PCED1B: variants seen among roughly 807,000 people sequenced by gnomAD.
PCED1B encodes the protein PC-esterase domain-containing protein 1B.
For synonymous variants in PCED1B, 251 were observed against 246.1 expected (o/e 1.02, Z -0.19); for missense variants, 573 against 573.9 (o/e 1.00, Z 0.02).
intron 2 of PCED1B, among the ~76,000 whole-genome samples, chr12:47,112,684 C>T (rs1378168956): frequency 1.3e-5 from 2 of 152,188 alleles, no homozygotes; most frequent in Non-Finnish European, 2.9e-5. Context: ...AATGTGTGGT[C>T]TCTTAAAAAC....
At chr12:47,113,854 A>G (rs543322029) in intron 2 of PCED1B, among the ~76,000 whole-genome samples, 2 of 152,226 alleles carry the variant, frequency 1.3e-5, no homozygotes, top group East Asian at 3.9e-4. Flanking sequence ...TACTAAAAAT[A>G]CAAAAATTAG....
chr12:47,148,716 T>C (rs954985686), intron 2 of PCED1B, among the ~76,000 whole-genome samples: 2 of 152,192 alleles, frequency 1.3e-5, no homozygotes, highest in African/African-American at 2.4e-5. Flanking sequence ...AAGGAAAGCC[T>C]TCTACTCTAG....
intron 1 of PCED1B, among the ~76,000 whole-genome samples, chr12:47,089,458 AT>A (rs1441939987): frequency 4.9e-4 from 23 of 46,816 alleles, no homozygotes; most frequent in African/African-American, 1.7e-3. Context: ...AAAAAAAAAA[AT>A]ACATATATAT....
At chr12:47,214,270 A>C (rs1943180131) in intron 2 of PCED1B, among the ~76,000 whole-genome samples, 1 of 152,244 alleles carries the variant, frequency 6.6e-6, no homozygotes, top group Non-Finnish European at 1.5e-5. Flanking sequence ...ACAGTGATGT[A>C]AAGTAAAATG....
chr12:47,121,992 A>C (rs1939697568), intron 2 of PCED1B, among the ~76,000 whole-genome samples: 1 of 148,520 alleles, frequency 6.7e-6, no homozygotes, highest in South Asian at 2.1e-4. Context: ...ATGCCACTGC[A>C]CTCCAGTCTG....
At chr12:47,187,543 T>C (rs188209844) in intron 2 of PCED1B, among the ~76,000 whole-genome samples, 17 of 152,310 alleles carry the variant, frequency 1.1e-4, no homozygotes, top group Admixed American at 7.8e-4. Context: ...AGTGAAAGTG[T>C]AAACAGTTAA....
chr12:47,182,800 C>T (rs1374708956), intron 2 of PCED1B, among the ~76,000 whole-genome samples: 1 of 152,092 alleles, frequency 6.6e-6, no homozygotes, highest in East Asian at 1.9e-4. Context: ...GACTCCAGAA[C>T]CCTAGCTCTC....
At chr12:47,230,191 T>G (rs1237562898) in intron 3 of PCED1B, among the ~76,000 whole-genome samples, 2 of 147,450 alleles carry the variant, frequency 1.4e-5, no homozygotes, top group East Asian at 4.1e-4. Flanking sequence ...TTCACACCTT[T>G]CTCCTGCCTC....
Position 47,184,608 on chromosome 12 carries a change from CCCTT to C in PCED1B, c.-525-31601_-525-31598del, listed in dbSNP as rs573936632. Among the ~76,000 whole-genome samples, 23 of 150,726 alleles carry C rather than the reference CCCTT, an allele frequency of 1.5e-4. No individual in the cohort carries two copies. In the South Asian group the frequency reaches 3.8e-3, roughly 25 times the overall value. On this transcript the variant is annotated intron_variant, in intron 2 of 3. Transcript: ENST00000546455. ...AAGACTTTCTGAAATCTTTTTTCTT[CCCTT>C]CCTTCCTTCCTTTTTCCCTTCCCTT... is the stretch of plus-strand genomic sequence containing the variant.
At chr12:47,110,440 G>C (rs1326855426) in intron 2 of PCED1B, among the ~76,000 whole-genome samples, 1 of 152,186 alleles carries the variant, frequency 6.6e-6, no homozygotes, top group Non-Finnish European at 1.5e-5. Context: ...CACCCAGGAA[G>C]TGTTTGGTAA....
chr12:47,110,197 G>C (rs1481177620), intron 2 of PCED1B, among the ~76,000 whole-genome samples: 1 of 152,168 alleles, frequency 6.6e-6, no homozygotes, highest in Non-Finnish European at 1.5e-5. Flanking sequence ...GATGAAGTGA[G>C]GGGTAAAATG....
intron 1 of PCED1B, among the ~76,000 whole-genome samples, chr12:47,103,019 A>G (rs1938782035): frequency 6.6e-6 from 1 of 152,170 alleles, no homozygotes; most frequent in African/African-American, 2.4e-5. Context: ...TCTTATGTCC[A>G]AGTAAGGGCA....
chr12:47,217,234 C>G (rs1943286531), intron 3 of PCED1B, among the ~76,000 whole-genome samples: 1 of 151,366 alleles, frequency 6.6e-6, no homozygotes, highest in Admixed American at 6.6e-5. Flanking sequence ...AACCCTGTCT[C>G]TAAAAAAAAC....
At chr12:47,160,817 G>A (rs1342560546) in intron 2 of PCED1B, among the ~76,000 whole-genome samples, 1 of 152,148 alleles carries the variant, frequency 6.6e-6, no homozygotes, top group Non-Finnish European at 1.5e-5. Flanking sequence ...CCTCTAAGAG[G>A]TGGAGCCTAA....
At chr12:47,221,549 C>T (rs997800732) in intron 3 of PCED1B, among the ~76,000 whole-genome samples, 1 of 152,088 alleles carries the variant, frequency 6.6e-6, no homozygotes, top group Non-Finnish European at 1.5e-5. Context: ...TAAAACAAAA[C>T]CAGTCATCAA....
chr12:47,134,962 A>G (rs1484755331), intron 2 of PCED1B, among the ~76,000 whole-genome samples: 2 of 152,094 alleles, frequency 1.3e-5, no homozygotes, highest in African/African-American at 4.8e-5. Context: ...CACTATATAT[A>G]CCCCTTCACT....
chr12:47,217,480 GA>G (rs149469887), intron 3 of PCED1B, among the ~76,000 whole-genome samples: 1 of 109,756 alleles, frequency 9.1e-6, no homozygotes, highest in Non-Finnish European at 1.8e-5. Flanking sequence ...GAGAAAGAAA[GA>G]AAGAAAGAAA....
chr12:47,094,610 C>T (rs1195997934), intron 1 of PCED1B, among the ~76,000 whole-genome samples: 1 of 151,970 alleles, frequency 6.6e-6, no homozygotes, highest in East Asian at 1.9e-4. Context: ...CTAGAGATTG[C>T]AATATATATC....
chr12:47,197,756 T>G (rs977838226), intron 2 of PCED1B, among the ~76,000 whole-genome samples: 1 of 152,118 alleles, frequency 6.6e-6, no homozygotes, highest in Non-Finnish European at 1.5e-5. Flanking sequence ...AAAGGAATAT[T>G]AGTCACAACT....
Sources: allele counts gnomAD v4.1 joint callset (sites outside exome capture counted in the v4.1 genomes callset), GRCh38; gene constraint gnomAD v4.1.1; transcripts MANE v1.5; gene names NCBI Gene and HGNC (gene_info 2026-07-23, HGNC 2026-07-21).